PCDHA8: variants seen among roughly 807,000 people sequenced by gnomAD.
The protein encoded by PCDHA8 is protocadherin alpha 8.
Under a neutral mutation model 61.8 loss-of-function variants are expected in PCDHA8, and 53 were observed. The ratio of observed to expected loss-of-function variants is 0.86; its 90% CI spans 0.69 to 1.08. PCDHA8 has a LOEUF of 1.08. Ranked by LOEUF, PCDHA8 falls within the 50% of genes least tolerant of loss-of-function variation. The pLI, the probability that PCDHA8 is intolerant of heterozygous loss-of-function variation, is 0.00. For synonymous variants in PCDHA8, 618 were observed against 556.6 expected (o/e 1.11, Z -1.55); for missense variants, 1,293 against 1,245.0 (o/e 1.04, Z -0.58).
In PCDHA8 at chr5:140,847,161, T is replaced by C. The variant is rs962983160; in HGVS notation, c.2394+3446T>C. The stretch of plus-strand genomic sequence containing the variant: ...GTAAGAAGATCTCTTGATTTCTGAG[T>C]AATAAACTAAAGGGCCATGAGTGAT... On this transcript the variant is annotated intron_variant, in intron 1 of 3. Transcript: ENST00000531613. Among the ~76,000 whole-genome samples, 8 of 149,570 alleles carry C rather than the reference T, an allele frequency of 5.3e-5. 1 individual carries two copies. The highest frequency in any genetic ancestry group is 7.5e-5 in the Non-Finnish European group (5 of 66,894).
chr5:140,872,717 T>TA (rs781995084), intron 1 of PCDHA8, among the ~76,000 whole-genome samples: 11 of 152,194 alleles, frequency 7.2e-5, no homozygotes, highest in Non-Finnish European at 1.5e-4. Context: ...ACTAGGTAAA[T>TA]AAAATTATTC....
intron 1 of PCDHA8, among the ~76,000 whole-genome samples, chr5:140,901,883 C>G (rs1206318073): frequency 5.3e-5 from 8 of 152,038 alleles, no homozygotes; most frequent in Non-Finnish European, 1.0e-4. Flanking sequence ...CTTTCATCAG[C>G]ATTTTATATT....
At chr5:140,887,982 A>T (rs1372528675) in intron 1 of PCDHA8, among the ~76,000 whole-genome samples, 1 of 152,180 alleles carries the variant, frequency 6.6e-6, no homozygotes, top group African/African-American at 2.4e-5. Flanking sequence ...AATTTATTTT[A>T]CATGTCTCCA....
intron 1 of PCDHA8, among the ~76,000 whole-genome samples, chr5:140,934,664 T>G (rs1268113575): frequency 1.3e-5 from 2 of 152,176 alleles, no homozygotes; most frequent in Admixed American, 6.5e-5. Flanking sequence ...TCTTCCCCTT[T>G]GTTTAGCAGT....
intron 1 of PCDHA8, among the ~76,000 whole-genome samples, chr5:140,915,256 T>C (rs782716023): frequency 1.3e-5 from 2 of 152,162 alleles, no homozygotes; most frequent in Non-Finnish European, 2.9e-5. Flanking sequence ...CAGGTTGTTA[T>C]TATTTTTGAC....
chr5:140,851,036 T>C lies in PCDHA8; in HGVS notation c.2394+7321T>C. 2 of 1,401,900 alleles carry C rather than the reference T, an allele frequency of 1.4e-6. 1 individual carries two copies. The highest frequency in any genetic ancestry group is 3.7e-5 in the South Asian group (2 of 53,334). 86.8% of individuals were successfully genotyped at this position (1,401,900 alleles called of 1,614,324 possible). The stretch of plus-strand genomic sequence containing the variant: ...TTCTGATAAAGTAAACCCCTTAACA[T>C]TGGAGCCGACTTTGTCTTGACTTCT... On this transcript the variant is annotated intron_variant, in intron 1 of 3. Transcript: ENST00000531613.
chr5:140,927,632 C>G (rs2084445013), intron 1 of PCDHA8: 2 of 1,614,142 alleles, frequency 1.2e-6, no homozygotes, highest in Non-Finnish European at 1.7e-6. Context: ...GAGACTGCAC[C>G]CAATGGGACT....
intron 3 of PCDHA8, among the ~76,000 whole-genome samples, chr5:141,000,278 G>A (rs574420053): frequency 6.6e-6 from 1 of 151,194 alleles, no homozygotes; most frequent in South Asian, 2.1e-4. Flanking sequence ...GGGAGGCAGA[G>A]GTGGGAATAT....
intron 1 of PCDHA8, chr5:140,850,124 G>A: frequency 6.3e-7 from 1 of 1,595,944 alleles, no homozygotes; most frequent in Non-Finnish European, 8.6e-7. Context: ...CGGGCGTGCC[G>A]CCTCTGGGCA....
intron 1 of PCDHA8, among the ~76,000 whole-genome samples, chr5:140,950,176 T>G (rs1221821328): frequency 6.6e-6 from 1 of 151,976 alleles, no homozygotes; most frequent in Non-Finnish European, 1.5e-5. Flanking sequence ...TTTAGAGAAT[T>G]AAGAAGGAAA....
chr5:140,966,674 G>T, intron 1 of PCDHA8: 1 of 1,295,168 alleles, frequency 7.7e-7, no homozygotes, highest in Admixed American at 3.8e-5. Flanking sequence ...GGCGCAGGGT[G>T]GCACGAGCGG....
chr5:140,877,076 T>C, intron 1 of PCDHA8: 1 of 1,613,022 alleles, frequency 6.2e-7, no homozygotes, highest in Non-Finnish European at 8.5e-7. Flanking sequence ...CAGTTCCAGG[T>C]GAGCGCGCGC....
chr5:140,896,410 T>C (rs1554186951), intron 1 of PCDHA8, among the ~76,000 whole-genome samples: 1 of 152,154 alleles, frequency 6.6e-6, no homozygotes, highest in Non-Finnish European at 1.5e-5. Context: ...TTTTGACTTT[T>C]TAGTAATAGC....
In PCDHA8 at chr5:140,842,749, G is replaced by A; in HGVS notation, c.1428G>A (p.Thr476=). The part of the protein sequence containing the change: ...ENNPPGCHIF[T]VSARDADAQE... ...ACCCGCCGGGCTGCCACATCTTCAC[G>A]GTGTCTGCGCGAGACGCGGACGCGC... Residue 476 remains threonine (T), a synonymous_variant, in exon 1 of 4, where the codon ACG becomes ACA. Coordinates refer to ENST00000531613, the MANE Select transcript of PCDHA8 (RefSeq NM_018911.3). 3 of 1,595,014 alleles carry A rather than the reference G, an allele frequency of 1.9e-6. No individual in the cohort carries two copies. Among genetic ancestry groups the A allele is most frequent in the Non-Finnish European group, 1.7e-6 (2 of 1,165,458 alleles).
At chr5:140,972,740 T>G (rs2096553417) in intron 1 of PCDHA8, among the ~76,000 whole-genome samples, 1 of 149,910 alleles carries the variant, frequency 6.7e-6, no homozygotes, top group Admixed American at 6.8e-5. Flanking sequence ...CCCGGCTCAC[T>G]GCAACCTCCG....
chr5:140,869,103 G>A, intron 1 of PCDHA8: 1 of 1,600,312 alleles, frequency 6.2e-7, no homozygotes, highest in Non-Finnish European at 8.5e-7. Context: ...TTTCGTATGC[G>A]ATGTTTGGTT....
At chr5:140,977,337 G>A (rs1554238444) in intron 1 of PCDHA8, among the ~76,000 whole-genome samples, 4 of 152,150 alleles carry the variant, frequency 2.6e-5, no homozygotes, top group South Asian at 2.1e-4. Context: ...GGGGAGAGAC[G>A]GTGATGATGA....
intron 1 of PCDHA8, chr5:140,876,192 G>C: frequency 6.2e-7 from 1 of 1,613,850 alleles, no homozygotes; most frequent in Non-Finnish European, 8.5e-7. Flanking sequence ...ACAATGGTCC[G>C]GCGTTTGATA....
At chr5:140,873,718 T>C (rs1259445115) in intron 1 of PCDHA8, among the ~76,000 whole-genome samples, 1 of 152,216 alleles carries the variant, frequency 6.6e-6, no homozygotes, top group East Asian at 1.9e-4. Context: ...TGGTGTGCAG[T>C]GGCGCAATCT....
Sources: allele counts gnomAD v4.1 joint callset (sites outside exome capture counted in the v4.1 genomes callset), GRCh38; gene constraint gnomAD v4.1.1; transcripts MANE v1.5; gene names NCBI Gene and HGNC (gene_info 2026-07-23, HGNC 2026-07-21).